CLASP1: variants seen among roughly 807,000 people sequenced by gnomAD.
The protein encoded by CLASP1 is CLIP-associating protein 1.
CLASP1 carries 38 observed loss-of-function variants against 192.3 expected under a neutral mutation model. The observed-to-expected ratio is 0.20, with a 90% CI of 0.15 to 0.26. The LOEUF (loss-of-function observed/expected upper bound fraction) is 0.26. Ranked by LOEUF, CLASP1 falls within the 10% of genes least tolerant of loss-of-function variation. CLASP1 has a pLI of 1.00. For synonymous variants in CLASP1, 691 were observed against 712.8 expected, an observed-to-expected ratio of 0.97 and a Z score of 0.49; for missense variants, 1,433 against 1,932.5, an observed-to-expected ratio of 0.74 and a Z score of 4.85.
chr2:121,380,500 C>A (rs1347242095), intron 33 of CLASP1, among the ~76,000 whole-genome samples: 3 of 140,822 alleles, frequency 2.1e-5, no homozygotes, highest in Admixed American at 2.0e-4. Flanking sequence ...TGCCACCCAA[C>A]ATGGAAGCTG....
At chr2:121,377,179 A>C (rs34660850) in intron 34 of CLASP1, among the ~76,000 whole-genome samples, 20,327 of 152,164 alleles carry the variant, frequency 0.13, 1,926 homozygotes, top group African/African-American at 0.26. Flanking sequence ...AGTTAACAAC[A>C]GTTTATTGTG....
At chr2:121,584,424 G>A (rs1321649055) in intron 2 of CLASP1, among the ~76,000 whole-genome samples, 6 of 152,126 alleles carry the variant, frequency 3.9e-5, no homozygotes, top group Non-Finnish European at 8.8e-5. Context: ...CTTACATGGC[G>A]ACTTAAAGTC....
At chr2:121,602,366 T>C (rs1367299646) in intron 2 of CLASP1, among the ~76,000 whole-genome samples, 1 of 152,046 alleles carries the variant, frequency 6.6e-6, no homozygotes, top group Admixed American at 6.6e-5. Flanking sequence ...TTAGAGGAAT[T>C]AATATAGTTA....
chr2:121,522,882 G>A (rs1039996654), intron 6 of CLASP1, among the ~76,000 whole-genome samples: 2 of 152,148 alleles, frequency 1.3e-5, no homozygotes, highest in African/African-American at 4.8e-5. Context: ...GAAACCCACT[G>A]GCACATGGTA....
At chr2:121,486,465 T>C (rs1386668848) in intron 8 of CLASP1, among the ~76,000 whole-genome samples, 3 of 152,168 alleles carry the variant, frequency 2.0e-5, no homozygotes, top group African/African-American at 7.2e-5. Flanking sequence ...TGATTAAATG[T>C]TCATTTCTCC....
intron 35 of CLASP1, among the ~76,000 whole-genome samples, chr2:121,366,783 C>A (rs1193092493): frequency 1.3e-5 from 2 of 152,116 alleles, no homozygotes; most frequent in Admixed American, 1.3e-4. Context: ...ACTATCAAAT[C>A]GAAATAAACC....
intron 2 of CLASP1, among the ~76,000 whole-genome samples, chr2:121,567,968 G>A (rs2059651467): frequency 6.6e-6 from 1 of 152,102 alleles, no homozygotes; most frequent in Non-Finnish European, 1.5e-5. Context: ...CGGTGGACTG[G>A]TTAACTTCTA....
At chr2:121,354,610 T>C (rs1049477567) in intron 37 of CLASP1, among the ~76,000 whole-genome samples, 2 of 152,242 alleles carry the variant, frequency 1.3e-5, no homozygotes, top group African/African-American at 2.4e-5. Context: ...AAGAAATTAC[T>C]GCCCAAGTAT....
chr2:121,465,826 T>A (rs556064858), intron 9 of CLASP1, among the ~76,000 whole-genome samples: 2 of 152,256 alleles, frequency 1.3e-5, no homozygotes, highest in Middle Eastern at 3.4e-3. Context: ...AACAGAGATA[T>A]AGATCAATGA....
At chr2:121,442,197 C>G (rs994195589) in intron 19 of CLASP1, among the ~76,000 whole-genome samples, 5 of 152,108 alleles carry the variant, frequency 3.3e-5, no homozygotes, top group African/African-American at 9.7e-5. Context: ...CATATGACAT[C>G]TAATCATAAA....
At chr2:121,443,662 C>T (rs753896944) in intron 19 of CLASP1, among the ~76,000 whole-genome samples, 10 of 152,080 alleles carry the variant, frequency 6.6e-5, no homozygotes, top group African/African-American at 1.9e-4. Flanking sequence ...CAAACTTGTC[C>T]GACCCTAAGA....
At chr2:121,486,207 AATC>A (rs1298880516) in intron 8 of CLASP1, among the ~76,000 whole-genome samples, 8 of 152,198 alleles carry the variant, frequency 5.3e-5, no homozygotes, top group Admixed American at 5.2e-4. Flanking sequence ...AGGACATTGA[AATC>A]ATCATTTATC....
At chr2:121,464,031 T>C (rs1190602109) in intron 9 of CLASP1, among the ~76,000 whole-genome samples, 1 of 132,164 alleles carries the variant, frequency 7.6e-6, no homozygotes, top group African/African-American at 2.9e-5. Flanking sequence ...GAGTGTGATG[T>C]TCCCCTTCCT....
intron 8 of CLASP1, among the ~76,000 whole-genome samples, chr2:121,482,217 AG>A (rs1254292526): frequency 6.6e-6 from 1 of 152,224 alleles, no homozygotes; most frequent in African/African-American, 2.4e-5. Context: ...AGCAGGGGCA[AG>A]GAACTCCTGA....
At chr2:121,402,982 C>T (rs1209965085) in intron 26 of CLASP1, among the ~76,000 whole-genome samples, 1 of 152,174 alleles carries the variant, frequency 6.6e-6, no homozygotes, top group Non-Finnish European at 1.5e-5. Flanking sequence ...CAGGTGCCCG[C>T]CACCATGCCC....
chr2:121,640,742 C>T (rs1183401023), intron 1 of CLASP1, among the ~76,000 whole-genome samples: 1 of 152,162 alleles, frequency 6.6e-6, no homozygotes, highest in South Asian at 2.1e-4. Flanking sequence ...CCAAATTCTG[C>T]TATTCTGCAG....
chr2:121,466,905 A>G (rs1024010957), intron 9 of CLASP1, among the ~76,000 whole-genome samples: 1 of 152,190 alleles, frequency 6.6e-6, no homozygotes, highest in Non-Finnish European at 1.5e-5. Context: ...TGCTGCACAG[A>G]TCATCCCATC....
At chr2:121,384,818 T>A (rs959496818) in intron 32 of CLASP1, among the ~76,000 whole-genome samples, 26 of 151,246 alleles carry the variant, frequency 1.7e-4, no homozygotes, top group African/African-American at 6.3e-4. Flanking sequence ...AAGGCGGAGG[T>A]TTCAGTGAGC....
chr2:121,643,860 C>G lies in CLASP1; in HGVS notation c.-286+5512G>C, dbSNP rs73950997. On this transcript the variant is annotated intron_variant, in intron 1 of 39. Transcript: ENST00000263710. ...GCAGAGTTCTCCACCTCTGGCTCAT[C>G]TAAGAATCATCTAAAGGCTGTTAAA... is the stretch of plus-strand genomic sequence containing the variant. Among the ~76,000 whole-genome samples the G allele has an allele frequency of 1.9e-3, 295 of 152,296 alleles. 1 individual carries two copies. The highest frequency in any genetic ancestry group is 6.8e-3 in the African/African-American group (281 of 41,564).
Sources: allele counts gnomAD v4.1 joint callset (sites outside exome capture counted in the v4.1 genomes callset), GRCh38; gene constraint gnomAD v4.1.1; transcripts MANE v1.5; gene names NCBI Gene and HGNC (gene_info 2026-07-23, HGNC 2026-07-21).